BAALC: variants seen among roughly 807,000 people sequenced by gnomAD.
BAALC encodes the protein brain and acute leukemia cytoplasmic protein.
Under a neutral mutation model 15.5 loss-of-function variants are expected in BAALC, and 9 were observed. That is an observed-to-expected ratio of 0.58 (90% CI 0.35 to 1.02). BAALC has a LOEUF of 1.02. Among genes scored for constraint, BAALC ranks in the 50% least tolerant of loss-of-function variants. The pLI, the probability that BAALC is intolerant of heterozygous loss-of-function variation, is 0.02. For synonymous variants in BAALC, 80 were observed against 74.6 expected (o/e 1.07, Z -0.37); for missense variants, 201 against 192.4 (o/e 1.04, Z -0.27).
chr8:103,187,035 G>A (rs529488548), intron 1 of BAALC, among the ~76,000 whole-genome samples: 17 of 152,072 alleles, frequency 1.1e-4, no homozygotes, highest in African/African-American at 3.4e-4. Flanking sequence ...AGGTAATATC[G>A]GCCACGTGCT....
intron 1 of BAALC, chr8:103,154,662 C>T (rs1357984112): frequency 9.2e-5 from 2 of 21,732 alleles, no homozygotes; most frequent in Admixed American, 1.3e-3. Flanking sequence ...GGGCATCCCA[C>T]CTGATCCCAC....
chr8:103,193,470 C>A (rs1005104838), intron 1 of BAALC, among the ~76,000 whole-genome samples: 5 of 152,194 alleles, frequency 3.3e-5, no homozygotes, highest in Non-Finnish European at 2.9e-5. Context: ...CAAGAAAGGA[C>A]CTGAAATCAG....
At chr8:103,172,693 C>A (rs1429733733) in intron 1 of BAALC, among the ~76,000 whole-genome samples, 1 of 152,154 alleles carries the variant, frequency 6.6e-6, no homozygotes, top group African/African-American at 2.4e-5. Flanking sequence ...CCATGCCCAG[C>A]CTCTGGCTTG....
chr8:103,225,005 G>T (rs1370682278), intron 2 of BAALC, among the ~76,000 whole-genome samples: 5 of 152,196 alleles, frequency 3.3e-5, no homozygotes. Context: ...GACAGGAGGA[G>T]TTAAAGACAA....
At chr8:103,177,535 C>G (rs1355374090) in intron 1 of BAALC, among the ~76,000 whole-genome samples, 1 of 152,212 alleles carries the variant, frequency 6.6e-6, no homozygotes, top group Admixed American at 6.5e-5. Flanking sequence ...TCCCCACCGT[C>G]TTGGCAGTCT....
At chr8:103,163,562 C>T (rs1811276757) in intron 1 of BAALC, among the ~76,000 whole-genome samples, 2 of 152,128 alleles carry the variant, frequency 1.3e-5, no homozygotes, top group Admixed American at 1.3e-4. Context: ...TTGTCTTATT[C>T]CTATCTTTCT....
chr8:103,176,078 C>G (rs1446763693), intron 1 of BAALC, among the ~76,000 whole-genome samples: 1 of 151,198 alleles, frequency 6.6e-6, no homozygotes, highest in African/African-American at 2.4e-5. Context: ...CACTGGCCAG[C>G]AAAAAGGAAA....
intron 2 of BAALC, among the ~76,000 whole-genome samples, chr8:103,221,867 T>C (rs2130090509): frequency 6.6e-6 from 1 of 152,310 alleles, no homozygotes; most frequent in Admixed American, 6.5e-5. Context: ...CCATGGCCCA[T>C]GACACAGCCC....
At chr8:103,143,810 C>T (rs62527609) in intron 1 of BAALC, among the ~76,000 whole-genome samples, 1 of 152,196 alleles carries the variant, frequency 6.6e-6, no homozygotes, top group Non-Finnish European at 1.5e-5. Flanking sequence ...AATGGATGCT[C>T]TGTCTGAACC....
At chr8:103,225,249 TGAG>T (rs1237424124) in intron 2 of BAALC, among the ~76,000 whole-genome samples, 1 of 152,190 alleles carries the variant, frequency 6.6e-6, no homozygotes, top group Non-Finnish European at 1.5e-5. Context: ...AAAGTTAAAC[TGAG>T]AGCTTATGAT....
chr8:103,174,260 C>CA (rs34745381), intron 1 of BAALC, among the ~76,000 whole-genome samples: 16,535 of 126,702 alleles, frequency 0.13, 1,083 homozygotes, highest in South Asian at 0.18. Flanking sequence ...GGCAAAGCAC[C>CA]AAAAAAAAAA....
chr8:103,146,175 C>T (rs1336971851), intron 1 of BAALC, among the ~76,000 whole-genome samples: 1 of 152,176 alleles, frequency 6.6e-6, no homozygotes, highest in African/African-American at 2.4e-5. Context: ...TAGAGGCATT[C>T]AGGAACTAAG....
At chr8:103,207,571 C>A (rs1295528976) in intron 1 of BAALC, among the ~76,000 whole-genome samples, 1 of 152,146 alleles carries the variant, frequency 6.6e-6, no homozygotes, top group African/African-American at 2.4e-5. Context: ...TTTGTCTTTC[C>A]TGGTAGAGAG....
intron 2 of BAALC, 56 bp from the exon 3 acceptor site, chr8:103,227,933 C>T: frequency 8.0e-7 from 1 of 1,255,216 alleles, no homozygotes; most frequent in South Asian, 1.3e-5. Context: ...TTGCCTCGGT[C>T]ATTTTCTTTG....
intron 1 of BAALC, among the ~76,000 whole-genome samples, chr8:103,179,818 T>G (rs999971643): frequency 8.5e-5 from 13 of 152,202 alleles, no homozygotes; most frequent in Admixed American, 7.9e-4. Flanking sequence ...AAATAATTAC[T>G]GTGGGAGGGA....
intron 1 of BAALC, chr8:103,208,385 T>C (rs1341434334): frequency 2.6e-5 from 4 of 152,236 alleles, no homozygotes; most frequent in Non-Finnish European, 5.9e-5. Flanking sequence ...ATGATGGATT[T>C]TTAAACTGTG....
At chr8:103,213,210 GTCTCT>G in intron 2 of BAALC, 125 bp downstream of exon 2, 1 of 1,077,144 alleles carries the variant, frequency 9.3e-7, no homozygotes, top group South Asian at 2.2e-5. Context: ...GAAAAAAAAA[GTCTCT>G]GCCCCACCCA....
At chr8:103,182,461 T>C (rs942620384) in intron 1 of BAALC, among the ~76,000 whole-genome samples, 1 of 152,206 alleles carries the variant, frequency 6.6e-6, no homozygotes, top group Admixed American at 6.5e-5. Context: ...AAATTTTCCA[T>C]CTGACAATCA....
chr8:103,181,361 C>T (rs917603949), intron 1 of BAALC, among the ~76,000 whole-genome samples: 24 of 152,296 alleles, frequency 1.6e-4, no homozygotes, highest in Admixed American at 6.5e-4. Context: ...CAAGCTCCAC[C>T]TCCCAGGTTC....
Sources: gnomAD v4.1 joint callset for allele counts (sites outside exome capture counted in the v4.1 genomes callset) on GRCh38, gnomAD v4.1.1 for gene constraint, MANE v1.5 for transcripts, NCBI Gene and HGNC (gene_info 2026-07-23, HGNC 2026-07-21) for gene names.